PRKN: variants seen among roughly 807,000 people sequenced by gnomAD.
PRKN encodes the protein parkin RBR E3 ubiquitin protein ligase, also known as E3 ubiquitin-protein ligase parkin.
Under a neutral mutation model 59.5 loss-of-function variants are expected in PRKN, and 56 were observed. The ratio of observed to expected loss-of-function variants is 0.94; its 90% CI spans 0.76 to 1.18. PRKN has a LOEUF of 1.18. PRKN is among the 50% of genes most tolerant of loss of function. The pLI, the probability that PRKN is intolerant of heterozygous loss-of-function variation, is 0.00. For synonymous variants in PRKN, 250 were observed against 222.1 expected (o/e 1.13, Z -1.12); for missense variants, 657 against 596.4 (o/e 1.10, Z -1.06).
At chr6:161,749,324 T>C (rs1409067402) in intron 7 of PRKN, among the ~76,000 whole-genome samples, 1 of 152,190 alleles carries the variant, frequency 6.6e-6, no homozygotes, top group Non-Finnish European at 1.5e-5. Context: ...TGCATGCATA[T>C]ATGTGCATAT....
intron 3 of PRKN, among the ~76,000 whole-genome samples, chr6:162,218,081 G>A (rs992923097): frequency 5.9e-5 from 9 of 152,228 alleles, no homozygotes; most frequent in African/African-American, 1.9e-4. Flanking sequence ...CTAAGCTGCT[G>A]TGGCAACAGC....
At chr6:161,978,961 C>G (rs1781157806) in intron 5 of PRKN, among the ~76,000 whole-genome samples, 2 of 152,154 alleles carry the variant, frequency 1.3e-5, no homozygotes, top group Non-Finnish European at 2.9e-5. Context: ...GGCGGGTAAA[C>G]TGAGTCTCAG....
At chr6:161,942,839 T>A (rs910736976) in intron 6 of PRKN, among the ~76,000 whole-genome samples, 1 of 152,160 alleles carries the variant, frequency 6.6e-6, no homozygotes, top group Admixed American at 6.5e-5. Context: ...CATATACCCC[T>A]TTAAGAGTAG....
intron 5 of PRKN, among the ~76,000 whole-genome samples, chr6:161,978,157 C>A (rs1781125752): frequency 1.3e-5 from 2 of 152,094 alleles, no homozygotes; most frequent in Non-Finnish European, 1.5e-5. Context: ...TCAAGTAATT[C>A]TCCTGCCTCA....
intron 5 of PRKN, among the ~76,000 whole-genome samples, chr6:162,044,111 T>A (rs1784167231): frequency 1.3e-5 from 2 of 152,186 alleles, no homozygotes; most frequent in South Asian, 4.1e-4. Context: ...GCAGAAAAAA[T>A]TGTACAAAAT....
chr6:162,558,707 T>C (rs902605129), intron 1 of PRKN, among the ~76,000 whole-genome samples: 2 of 151,756 alleles, frequency 1.3e-5, no homozygotes, highest in East Asian at 1.9e-4. Flanking sequence ...GGAGTGATCT[T>C]AGCCCATCAC....
At chr6:161,842,746 C>T (rs1320675601) in intron 6 of PRKN, among the ~76,000 whole-genome samples, 1 of 151,966 alleles carries the variant, frequency 6.6e-6, no homozygotes, top group Admixed American at 6.6e-5. Context: ...GATGGGTTTT[C>T]ACTATGTTGG....
In PRKN at chr6:161,391,082, C is replaced by T. The variant is rs1786484137; in HGVS notation, c.1084-4205G>A. Among the ~76,000 whole-genome samples, 1 of 152,098 alleles carries T rather than the reference C, an allele frequency of 6.6e-6. No homozygotes were observed. The highest frequency in any genetic ancestry group is 2.1e-4 in the South Asian group (1 of 4,830). On this transcript the variant is annotated intron_variant, in intron 9 of 11. Coordinates refer to ENST00000366898, the MANE Select transcript of PRKN (RefSeq NM_004562.3). This position sits in a 1 kb window ranked among gnomAD's most constrained non-coding sequence, Gnocchi z 4.9. ...GCCAGTTTGCAAACACTTCCCATGGCATAGCTGTTTCTAGAGAAAAAGCTT... is the reference window on the plus strand; with the variant it reads ...GCCAGTTTGCAAACACTTCCCATGGTATAGCTGTTTCTAGAGAAAAAGCTT...
At chr6:162,362,512 G>A (rs550699021) in intron 2 of PRKN, among the ~76,000 whole-genome samples, 1 of 152,118 alleles carries the variant, frequency 6.6e-6, no homozygotes, top group South Asian at 2.1e-4. Context: ...AATCCTATTT[G>A]AATTAAAATT....
intron 2 of PRKN, among the ~76,000 whole-genome samples, chr6:162,272,342 C>A (rs569681951): frequency 2.0e-5 from 3 of 152,140 alleles, no homozygotes; most frequent in Non-Finnish European, 2.9e-5. Context: ...GCAAGAAATG[C>A]CTCAAGTATC....
intron 1 of PRKN, among the ~76,000 whole-genome samples, chr6:162,654,493 A>G (rs1778563999): frequency 6.6e-6 from 1 of 152,232 alleles, no homozygotes; most frequent in Non-Finnish European, 1.5e-5. Context: ...GGCATTAGAT[A>G]ACAACAATCT....
intron 7 of PRKN, chr6:161,783,808 T>C (rs1240830515): frequency 2.5e-6 from 1 of 406,746 alleles, no homozygotes; most frequent in East Asian, 6.7e-5. Flanking sequence ...CAAGTTTTCC[T>C]TAACAATATG....
At chr6:161,829,063 T>C (rs1300620026) in intron 6 of PRKN, among the ~76,000 whole-genome samples, 2 of 150,918 alleles carry the variant, frequency 1.3e-5, no homozygotes, top group Non-Finnish European at 3.0e-5. Context: ...CTGTCTCTAG[T>C]AAAAATACAA....
intron 5 of PRKN, among the ~76,000 whole-genome samples, chr6:162,010,449 A>G (rs1290920753): frequency 1.4e-5 from 1 of 71,048 alleles, no homozygotes; most frequent in African/African-American, 7.7e-5. Context: ...TTTATGATAT[A>G]TAATGTATTT....
At chr6:162,570,617 A>G (rs1395368783) in intron 1 of PRKN, among the ~76,000 whole-genome samples, 2 of 152,248 alleles carry the variant, frequency 1.3e-5, no homozygotes, top group East Asian at 3.9e-4. Context: ...GTACACATGT[A>G]CAATGGAGTA....
intron 1 of PRKN, among the ~76,000 whole-genome samples, chr6:162,486,495 A>G (rs1792545670): frequency 6.6e-6 from 1 of 152,206 alleles, no homozygotes; most frequent in East Asian, 1.9e-4. Flanking sequence ...ATAATTAACA[A>G]TAATGCATCT....
At position 161,393,172 on chromosome 6, in the gene PRKN, G is replaced by A. The variant is rs906793345; in HGVS notation, c.1084-6295C>T. Among the ~76,000 whole-genome samples, 2 of 152,128 alleles carry A rather than the reference G, an allele frequency of 1.3e-5. No homozygotes were observed. Among genetic ancestry groups the A allele is most frequent in the African/African-American group, 4.8e-5 (2 of 41,412 alleles). ...TATTTAACACAGTTTCTGGTACACA[G>A]TAAACACAACAACACAACAAATAGT... On this transcript the variant is annotated intron_variant, in intron 9 of 11. Transcript: ENST00000366898. This position sits in a 1 kb window ranked among gnomAD's most constrained non-coding sequence, Gnocchi z 4.7.
In PRKN at chr6:161,544,345, T is replaced by C. The variant is rs183221840; in HGVS notation, c.1083+4509A>G. Among the ~76,000 whole-genome samples, 91 of 152,324 alleles carry C rather than the reference T, an allele frequency of 6.0e-4. No homozygotes were observed. The highest frequency in any genetic ancestry group is 1.1e-3 in the Non-Finnish European group (73 of 68,022). ...TGCTATTAAAACACTGTATATTGTA[T>C]AAGTATATAAAGGTGCTTACGTATT... On this transcript the variant is annotated intron_variant, in intron 9 of 11. Coordinates refer to ENST00000366898, the MANE Select transcript of PRKN (RefSeq NM_004562.3). The surrounding 1 kb of genome is among the most constrained non-coding windows in gnomAD (Gnocchi z 5.5).
intron 2 of PRKN, among the ~76,000 whole-genome samples, chr6:162,438,540 G>T (rs570162352): frequency 6.6e-6 from 1 of 151,932 alleles, no homozygotes; most frequent in African/African-American, 2.4e-5. Flanking sequence ...CTTCCTGAAC[G>T]ACATTTTCAC....
Sources: allele counts gnomAD v4.1 joint callset (sites outside exome capture counted in the v4.1 genomes callset), GRCh38; gene constraint gnomAD v4.1.1; non-coding constraint Gnocchi (gnomAD v3.1); transcripts MANE v1.5; gene names NCBI Gene and HGNC (gene_info 2026-07-23, HGNC 2026-07-21).